The following DSP variants were observed in gnomAD, a reference collection of about 807,000 sequenced individuals.
DSP encodes desmoplakin, also known as 250/210 kDa paraneoplastic pemphigus antigen.
A neutral mutation model predicts 290.6 loss-of-function variants in DSP; 114 were observed. The ratio of observed to expected loss-of-function variants is 0.39; its 90% CI spans 0.34 to 0.46. DSP has a LOEUF of 0.46. Among genes scored for constraint, DSP ranks in the 20% least tolerant of loss-of-function variants. DSP has a pLI of 0.99. For missense variants in DSP, 3,230 were observed against 3,495.8 expected, an observed-to-expected ratio of 0.92 and a Z score of 1.92; for synonymous variants, 1,311 against 1,316.4, an observed-to-expected ratio of 1.00 and a Z score of 0.09.
Position 7,581,951 on chromosome 6 carries a change from T to G in DSP, c.5379+382T>G, listed in dbSNP as rs141534770. Among the ~76,000 whole-genome samples the G allele has an allele frequency of 8.7e-3, 1,325 of 152,240 alleles. 11 individuals are homozygous for G. Among genetic ancestry groups the G allele is most frequent in the Non-Finnish European group, 0.013 (876 of 68,008 alleles). On this transcript the variant is annotated intron_variant, in intron 23 of 23. Coordinates refer to ENST00000379802, the MANE Select transcript of DSP (RefSeq NM_004415.4). The stretch of plus-strand genomic sequence containing the variant: ...TAAATAGAAGCCATACTAAAGTGTT[T>G]CCCTATGCAATTTTTAAAACACTTT...
chr6:7,543,300 G>T (rs1304638613), intron 1 of DSP, among the ~76,000 whole-genome samples: 1 of 152,034 alleles, frequency 6.6e-6, no homozygotes, highest in East Asian at 1.9e-4. Flanking sequence ...TGTTTTGCAA[G>T]CAGTTTTGAA....
rs1014373689 is a variant in DSP at position 7,571,908 on chromosome 6, C to A, written c.1970C>A (p.Thr657Asn). ...GTCAACCATAATAAAGTAATTGAAA[C>A]CAACAGAGAAAATGACAAGCAAGAA... ...QDVNHNKVIE[T>N]NRENDKQETW... The change falls in exon 15 of 24, where the codon ACC becomes AAC. Residue 657 changes from threonine to asparagine, a missense_variant. Thr to Asn is a moderately conservative substitution (Grantham distance 65, BLOSUM62 0). This residue lies in a region of DSP where 1,714 missense variants were observed against 1,844.5 expected (regional missense o/e 0.93). Transcript: ENST00000379802. 1.9e-6 allele frequency: 3 copies of A among 1,614,044 alleles called. No homozygotes were observed. The highest frequency in any genetic ancestry group is 2.5e-6 in the Non-Finnish European group (3 of 1,180,032).
rs185541105 is a variant in DSP, at chr6:7,577,655, G to A, written c.2878-124G>A. On this transcript the variant is annotated intron_variant, in intron 20 of 23. Transcript: ENST00000379802. ...TATTAGTTGCTTGGCCACTAGTGGC[G>A]CAAAGTCTTTGGAGTGGGCAATTAG... 6.0e-4 allele frequency: 507 copies of A among 839,846 alleles called. 1 individual carries two copies. The African/African-American group carries it at 7.3e-3, about 12-fold the overall frequency. The allele number at this position is 839,846 out of a possible 1,614,324, so 52.0% of individuals were successfully genotyped here. A position where few individuals can be genotyped will look rare whatever the true frequency, so the allele number is the denominator to read the frequency against.
Position 7,585,038 on chromosome 6 carries a change from G to A in DSP, c.7776G>A (p.Lys2592=). The A allele has an allele frequency of 6.2e-7, 1 of 1,614,192 alleles. No individual in the cohort carries two copies. Among genetic ancestry groups the A allele is most frequent in the South Asian group, 1.1e-5 (1 of 91,088 alleles). ...GCTCCCGACATGAATCAGTAAGTAA[G>A]ATTTCCACCATATCCAGCGTCAGGA... is the stretch of plus-strand genomic sequence containing the variant. ...FSSSRHESVS[K]ISTISSVRNL... The change falls in exon 24 of 24, where the codon AAG becomes AAA. Residue 2592 remains lysine (K), a synonymous_variant. Transcript: ENST00000379802.
chr6:7,583,033 C>G lies in DSP; in HGVS notation c.5771C>G (p.Thr1924Arg), dbSNP rs1230176569. The change falls in exon 24 of 24, where the codon ACA becomes AGA. Residue 1924 changes from threonine to arginine, a missense_variant. Thr to Arg is a moderately conservative substitution (Grantham distance 71). Around this residue, in one of 5 missense-constraint regions of DSP, gnomAD observed 1,714 missense variants for 1,844.5 expected, o/e 0.93. Coordinates refer to ENST00000379802, the MANE Select transcript of DSP (RefSeq NM_004415.4). This position sits in a 1 kb window ranked among gnomAD's most constrained non-coding sequence, Gnocchi z 4.0. ...AAGCTGGAGGATTCTACCAGGGAGA[C>G]ACAGTCACAGTTAGAAACAGAACGC... ...RRKLEDSTRE[T>R]QSQLETERSR... The G allele has an allele frequency of 3.7e-6, 6 of 1,614,004 alleles. No homozygotes were observed. In the South Asian group the frequency reaches 6.6e-5, roughly 18 times the overall value.
In DSP at chr6:7,577,027, C is replaced by T. The variant is rs2064217; in HGVS notation, c.2862C>T (p.Cys954=). 0.24 allele frequency: 383,963 copies of T among 1,608,878 alleles called. 47,154 individuals are homozygous for T. The highest frequency in any genetic ancestry group is 0.37 in the African/African-American group (27,966 of 74,756). The change falls in exon 20 of 24, where the codon TGC becomes TGT. Residue 954 remains cysteine, a synonymous_variant. Coordinates refer to ENST00000379802, the MANE Select transcript of DSP (RefSeq NM_004415.4). ...AAGTACAAAAAATTGCTGAACTTTGCGCCAATTCAATTAAGGTATGTTGGT... is the reference window on the plus strand; with the variant it reads ...AAGTACAAAAAATTGCTGAACTTTGTGCCAATTCAATTAAGGTATGTTGGT... The part of the protein sequence containing the change: ...SEEVQKIAEL[C]ANSIKDYELQ...
At position 7,541,812 on chromosome 6, in the gene DSP, G is replaced by A. The variant is rs1757981061; in HGVS notation, c.-104G>A. 7.0e-7 allele frequency: 1 copy of A among 1,426,148 alleles called. No homozygotes were observed. Among genetic ancestry groups the A allele is most frequent in the African/African-American group, 1.4e-5 (1 of 69,434 alleles). 88.3% of individuals were successfully genotyped at this position (1,426,148 alleles called of 1,614,324 possible). On this transcript the variant is annotated 5_prime_UTR_variant, in exon 1 of 24. Transcript: ENST00000379802. ...TCGCGAGCCTTCCGCACTCCCGCCC[G>A]GTTCCCCGGCCGTCCGCCTATCCTT... is the stretch of plus-strand genomic sequence containing the variant.
At chr6:7,572,092 C>T (rs371927481) in intron 15 of DSP, 24 bp downstream of exon 15, 11 of 1,584,570 alleles carry the variant, frequency 6.9e-6, no homozygotes, top group Non-Finnish European at 9.5e-6. Context: ...AGTATTTTGC[C>T]TGGTTACCCT....
chr6:7,551,227 G>A (rs1340581403), intron 1 of DSP, among the ~76,000 whole-genome samples: 3 of 152,038 alleles, frequency 2.0e-5, no homozygotes, highest in Non-Finnish European at 4.4e-5. Flanking sequence ...CCAACAGATG[G>A]AGATAGAAAT....
chr6:7,580,295 G>A lies in DSP; in HGVS notation c.4105G>A (p.Glu1369Lys), dbSNP rs141805096. ...IISLKNQFET[E>K]INITKTTIHQ... is the part of the protein sequence containing the mutation. ...TAGCTTAAAAAATCAGTTTGAGACC[G>A]AGATCAACATCACCAAGACCACCAT... Residue 1369 changes from glutamate (E) to lysine (K), a missense_variant, in exon 23 of 24, where the codon GAG (glutamate) becomes AAG (lysine). By Grantham distance (56) the Glu-to-Lys change is moderately conservative. This residue lies in a region of DSP where 1,714 missense variants were observed against 1,844.5 expected (regional missense o/e 0.93). Coordinates refer to ENST00000379802, the MANE Select transcript of DSP (RefSeq NM_004415.4). This position sits in a 1 kb window ranked among gnomAD's most constrained non-coding sequence, Gnocchi z 4.2. 7.1e-5 allele frequency: 114 copies of A among 1,613,586 alleles called. No homozygotes were observed. Among genetic ancestry groups the A allele is most frequent in the Middle Eastern group, 4.9e-4 (3 of 6,082 alleles).
rs1443682154 is a variant in DSP, at chr6:7,576,367, C to A, written c.2704C>A (p.Leu902Ile). 7 of 1,614,004 alleles carry A rather than the reference C, an allele frequency of 4.3e-6. No homozygotes were observed. In the Admixed American group the frequency reaches 1.2e-4, roughly 27 times the overall value. Residue 902 changes from leucine to isoleucine, a missense_variant, in exon 19 of 24, where the codon CTC (leucine) becomes ATC (isoleucine). Transcript: ENST00000379802. ...TAACTATCAGGCTTTCTGCAAGTGGCTCTATGATGCTAAACGCCGCCAGGA... is the reference window on the plus strand; with the variant it reads ...TAACTATCAGGCTTTCTGCAAGTGGATCTATGATGCTAAACGCCGCCAGGA... ...RDNYQAFCKW[L>I]YDAKRRQDSL...
rs768628788 is a variant in DSP at position 7,580,208 on chromosome 6, C to G, written c.4018C>G (p.Arg1340Gly). The change falls in exon 23 of 24, where the codon CGC becomes GGC. Residue 1340 changes from arginine to glycine, a missense_variant. Coordinates refer to ENST00000379802, the MANE Select transcript of DSP (RefSeq NM_004415.4). This position sits in a 1 kb window ranked among gnomAD's most constrained non-coding sequence, Gnocchi z 4.2. The stretch of plus-strand genomic sequence containing the variant: ...AGCTGAGTTTCAGGAGGAGGCCAAG[C>G]GCCGCTGGGAATATGAAAATGAACT... ...LKAEFQEEAKRRWEYENELSK... is the reference protein window; with the variant it reads ...LKAEFQEEAKGRWEYENELSK... 5 of 1,613,808 alleles carry G rather than the reference C, an allele frequency of 3.1e-6. No homozygotes were observed. Among genetic ancestry groups the G allele is most frequent in the Admixed American group, 1.7e-5 (1 of 59,996 alleles).
Position 7,566,465 on chromosome 6 carries a change from C to T in DSP, c.1028C>T (p.Ala343Val). 6.2e-7 allele frequency: 1 copy of T among 1,613,680 alleles called. No homozygotes were observed. Among genetic ancestry groups the T allele is most frequent in the Non-Finnish European group, 8.5e-7 (1 of 1,179,916 alleles). Residue 343 changes from alanine (A) to valine (V), a missense_variant, in exon 8 of 24, where the codon GCT (alanine) becomes GTT (valine). Ala to Val is a moderately conservative substitution (Grantham distance 64). This residue lies in a region of DSP where 646 missense variants were observed against 684.3 expected (regional missense o/e 0.94). Transcript: ENST00000379802. ...SDQLVLNQHP[A>V]SDKIEAYMDT... ...CAACTTGTCCTCAATCAGCATCCAG[C>T]TTCAGACAAAATTGAGGTAGGCTTC...
Position 7,567,778 on chromosome 6 carries a change from C to A in DSP, c.1141-3C>A. 1 of 1,613,914 alleles carries A rather than the reference C, an allele frequency of 6.2e-7. No individual in the cohort carries two copies. The highest frequency in any genetic ancestry group is 8.5e-7 in the Non-Finnish European group (1 of 1,179,900). On this transcript the variant is annotated splice_region_variant and splice_polypyrimidine_tract_variant and intron_variant, in intron 9 of 23. Transcript: ENST00000379802. ...ATTCACTGATCACTCTCATCCTTCA[C>A]AGTTTTTTGAAGAGGCGCAGTCTAC...
intron 1 of DSP, among the ~76,000 whole-genome samples, chr6:7,552,864 C>T (rs1758385064): frequency 3.3e-5 from 5 of 152,130 alleles, no homozygotes; most frequent in South Asian, 2.1e-4. Context: ...GGATGTAATT[C>T]GTTTCTAACT....
At chr6:7,572,410 G>A (rs1759083751) in intron 15 of DSP, among the ~76,000 whole-genome samples, 1 of 152,182 alleles carries the variant, frequency 6.6e-6, no homozygotes, top group Non-Finnish European at 1.5e-5. Context: ...GAAGAGATTT[G>A]GTTGGTGAGA....
Position 7,563,530 on chromosome 6 carries a change from C to T in DSP, c.727-206C>T, listed in dbSNP as rs78576785. Among the ~76,000 whole-genome samples, 7,687 of 152,118 alleles carry T rather than the reference C, an allele frequency of 0.051. 651 individuals are homozygous for T. Among genetic ancestry groups the T allele is most frequent in the African/African-American group, 0.17 (7,206 of 41,440 alleles). On this transcript the variant is annotated intron_variant, in intron 5 of 23. Coordinates refer to ENST00000379802, the MANE Select transcript of DSP (RefSeq NM_004415.4). ...TGATCTGGGCTTTCCTTTGTGGAGA[C>T]GGTGCTGCCAGGCCAGCAAGGGTTT... is the stretch of plus-strand genomic sequence containing the variant.
At chr6:7,568,718 C>G in intron 11 of DSP, 129 bp downstream of exon 11, 7 of 1,038,352 alleles carry the variant, frequency 6.7e-6, no homozygotes, top group Non-Finnish European at 1.0e-5. Context: ...TCTATGAAAT[C>G]AGCAGCTATG....
intron 1 of DSP, among the ~76,000 whole-genome samples, chr6:7,551,736 C>T (rs913765657): frequency 6.6e-6 from 1 of 152,162 alleles, no homozygotes; most frequent in Non-Finnish European, 1.5e-5. Flanking sequence ...CAGACTGACC[C>T]GATGGGTCGA....
Sources: gnomAD v4.1 joint callset for allele counts (sites outside exome capture counted in the v4.1 genomes callset) on GRCh38, gnomAD v4.1.1 for gene constraint, gnomAD v4.1.1 regional missense constraint, Gnocchi (gnomAD v3.1) non-coding constraint, MANE v1.5 for transcripts, NCBI Gene and HGNC (gene_info 2026-07-23, HGNC 2026-07-21) for gene names.